The following PHACTR4 variants were observed in gnomAD, a reference collection of about 807,000 sequenced individuals.
The protein encoded by PHACTR4 is phosphatase and actin regulator 4.
In PHACTR4, 51 loss-of-function variants were observed where a neutral mutation model predicts 72.7. That is an observed-to-expected ratio of 0.70 (90% CI 0.56 to 0.89). The LOEUF (loss-of-function observed/expected upper bound fraction) is 0.89, where lower values mean the gene tolerates loss of function less well. Ranked by LOEUF, PHACTR4 falls within the 40% of genes least tolerant of loss-of-function variation. The pLI is 0.00. For missense variants in PHACTR4, 731 were observed against 861.8 expected (o/e 0.85, Z 1.90); for synonymous variants, 255 against 302.5 (o/e 0.84, Z 1.63).
At chr1:28,465,480 G>A (rs976267143) in intron 4 of PHACTR4, among the ~76,000 whole-genome samples, 3 of 152,146 alleles carry the variant, frequency 2.0e-5, no homozygotes, top group Non-Finnish European at 4.4e-5. Flanking sequence ...GCCAGGCGCA[G>A]TGATTCATGC....
rs928455276 is a variant in PHACTR4, at chr1:28,488,453, C to T, written c.1761-717C>T. On this transcript the variant is annotated intron_variant, in intron 9 of 13. Coordinates refer to ENST00000373839, the MANE Select transcript of PHACTR4 (RefSeq NM_001048183.3). ...CGGAGCTTGTAGTGAGCCGAGATTG[C>T]ACCACTGCACTCCAGCCTAGGTGAC... is the stretch of plus-strand genomic sequence containing the variant. 2.6e-5 allele frequency among the ~76,000 whole-genome samples: 4 copies of T among 152,270 alleles called. 1 individual carries two copies. The Middle Eastern group carries it at 0.01, about 388-fold the overall frequency.
At position 28,496,732 on chromosome 1, in the gene PHACTR4, G is replaced by C; in HGVS notation, c.*183G>C. 1.5e-6 allele frequency: 1 copy of C among 680,996 alleles called. No individual in the cohort carries two copies. The highest frequency in any genetic ancestry group is 2.5e-6 in the Non-Finnish European group (1 of 393,820). 42.2% of individuals were successfully genotyped at this position (680,996 alleles called of 1,614,324 possible). ...ACAGAGTCTTATGTGCTGCACCGGG[G>C]GCAAAACAACACTTTGTCAGTGCTT... is the stretch of plus-strand genomic sequence containing the variant. On this transcript the variant is annotated 3_prime_UTR_variant, in exon 14 of 14. Transcript: ENST00000373839.
chr1:28,466,729 C>A lies in PHACTR4; in HGVS notation c.784C>A (p.Pro262Thr). Residue 262 changes from proline (P) to threonine (T), a missense_variant, in exon 6 of 14, where the codon CCC becomes ACC. This residue lies in a region of PHACTR4 where 621 missense variants were observed against 676.6 expected (regional missense o/e 0.92). Coordinates refer to ENST00000373839, the MANE Select transcript of PHACTR4 (RefSeq NM_001048183.3). The stretch of plus-strand genomic sequence containing the variant: ...CCCTGCCAAGCAGCCCCCTATCCCT[C>A]CCCCTAAACCAGCTCACAGAAATAG... ...MVPAKQPPIP[P>T]PKPAHRNSNP... 6.2e-7 allele frequency: 1 copy of A among 1,613,172 alleles called. No homozygotes were observed. Among genetic ancestry groups the A allele is most frequent in the Non-Finnish European group, 8.5e-7 (1 of 1,179,446 alleles).
Position 28,487,717 on chromosome 1 carries a change from G to GTTTTT in PHACTR4, c.1761-1451_1761-1447dup, listed in dbSNP as rs1320016675. Among the ~76,000 whole-genome samples, 265 of 102,416 alleles carry GTTTTT rather than the reference G, an allele frequency of 2.6e-3. 17 individuals are homozygous for GTTTTT. Among genetic ancestry groups the GTTTTT allele is most frequent in the African/African-American group, 0.01 (257 of 24,620 alleles). 67.2% of individuals were successfully genotyped at this position (102,416 alleles called of 152,430 possible). On this transcript the variant is annotated intron_variant, in intron 9 of 13. Coordinates refer to ENST00000373839, the MANE Select transcript of PHACTR4 (RefSeq NM_001048183.3). ...CTGATTTCAAAAATGACAAATTGTA[G>GTTTTT]TTTTTTGTTGTTTTTTTTTTTTTTT...
Position 28,460,221 on chromosome 1 carries a change from G to C in PHACTR4, c.200G>C (p.Arg67Pro), listed in dbSNP as rs747393903. ...KFKETSEVLERKISMRKPREE... is the reference protein window; with the variant it reads ...KFKETSEVLEPKISMRKPREE... ...TCCAATTTAATGTTAGTTTTAGAAC[G>C]GAAAATATCTATGCGAAAGCCAAGA... Residue 67 changes from arginine to proline, a missense_variant, in exon 4 of 14, where the codon CGG becomes CCG. Around this residue, in one of 2 missense-constraint regions of PHACTR4, gnomAD observed 621 missense variants for 676.6 expected, o/e 0.92. Transcript: ENST00000373839. 1 of 1,612,692 alleles carries C rather than the reference G, an allele frequency of 6.2e-7. No individual in the cohort carries two copies. Among genetic ancestry groups the C allele is most frequent in the South Asian group, 1.1e-5 (1 of 90,880 alleles).
chr1:28,483,274 G>C (rs972777471), intron 9 of PHACTR4, among the ~76,000 whole-genome samples: 2 of 152,020 alleles, frequency 1.3e-5, no homozygotes, highest in South Asian at 4.2e-4. Flanking sequence ...ACACGTTTAT[G>C]GTCCCAGCTA....
chr1:28,458,157 T>TGTG (rs1658544286), intron 2 of PHACTR4, among the ~76,000 whole-genome samples: 3 of 135,864 alleles, frequency 2.2e-5, no homozygotes, highest in African/African-American at 8.3e-5. Flanking sequence ...TGTGTGTGTG[T>TGTG]TTGAGACAGG....
chr1:28,487,731 T>TTG (rs1660781855), intron 9 of PHACTR4, among the ~76,000 whole-genome samples: 1 of 126,146 alleles, frequency 7.9e-6, no homozygotes, highest in African/African-American at 3.1e-5. Flanking sequence ...TTTGTTGTTT[T>TTG]TTTTTTTTTT....
intron 4 of PHACTR4, 35 bp downstream of exon 4, chr1:28,460,327 T>A (rs963937589): frequency 2.8e-6 from 4 of 1,437,188 alleles, no homozygotes; most frequent in Admixed American, 1.7e-5. Context: ...TGCCTGTCTC[T>A]GTGCACTTGG....
Position 28,415,218 on chromosome 1 carries a change from G to A in PHACTR4, c.16+7755G>A, listed in dbSNP as rs370542359. 5.4e-5 allele frequency among the ~76,000 whole-genome samples: 8 copies of A among 149,482 alleles called. No homozygotes were observed. The East Asian group carries it at 5.9e-4, about 11-fold the overall frequency. On this transcript the variant is annotated intron_variant, in intron 2 of 13. Transcript: ENST00000373839. ...GGAGGTTGCAGTGAGCCAAGATCAC[G>A]CCACTCCACGCCAGCCTGGGCAACA...
At chr1:28,407,248 CAA>C (rs78873359) in intron 1 of PHACTR4, among the ~76,000 whole-genome samples, 160 bp from the exon 2 acceptor site, 80 of 76,486 alleles carry the variant, frequency 1.0e-3, no homozygotes, top group Middle Eastern at 8.2e-3. Flanking sequence ...GATCCTGTCT[CAA>C]AAAAAAAAAA....
intron 1 of PHACTR4, among the ~76,000 whole-genome samples, chr1:28,406,608 A>G (rs907763904): frequency 6.6e-6 from 1 of 152,142 alleles, no homozygotes; most frequent in African/African-American, 2.4e-5. Flanking sequence ...TCTTACTCCC[A>G]AGTTTCTCCA....
intron 2 of PHACTR4, among the ~76,000 whole-genome samples, chr1:28,441,286 A>C (rs1657010476): frequency 6.6e-6 from 1 of 151,806 alleles, no homozygotes; most frequent in Non-Finnish European, 1.5e-5. Flanking sequence ...CACTGTCGTG[A>C]CCAGGCTGGT....
rs1243686228 is a variant in PHACTR4 at position 28,498,355 on chromosome 1, C to A, written c.*1806C>A. On this transcript the variant is annotated 3_prime_UTR_variant, in exon 14 of 14. Transcript: ENST00000373839. ...TCCTCTTCACTCCAGTGCTGATCCT[C>A]CTGCTCTCTCTGGCAGCTTCCACCT... is the stretch of plus-strand genomic sequence containing the variant. The A allele has an allele frequency of 6.5e-6, 1 of 152,752 alleles. No homozygotes were observed. Among genetic ancestry groups the A allele is most frequent in the Non-Finnish European group, 1.5e-5 (1 of 68,320 alleles). 9.5% of individuals were successfully genotyped at this position (152,752 alleles called of 1,614,324 possible). A position where few individuals can be genotyped will look rare whatever the true frequency, so the allele number is the denominator to read the frequency against.
rs377531587 is a variant in PHACTR4 at position 28,455,192 on chromosome 1, TTC to T, written c.17-3891_17-3890del. ...GCCTCATTTTTCTTTTTCTTTTTCT[TTC>T]TTTCTTTTTTTTTTTTTTTTTTTTG... On this transcript the variant is annotated intron_variant, in intron 2 of 13. Transcript: ENST00000373839. 1.3e-3 allele frequency among the ~76,000 whole-genome samples: 126 copies of T among 100,184 alleles called. 1 individual carries two copies. The highest frequency in any genetic ancestry group is 2.1e-3 in the Admixed American group (23 of 11,144). The allele number at this position is 100,184 out of a possible 152,430, so 65.7% of individuals were successfully genotyped here. A position where few individuals can be genotyped will look rare whatever the true frequency, so the allele number is the denominator to read the frequency against.
At chr1:28,403,029 G>C (rs926535591) in intron 1 of PHACTR4, among the ~76,000 whole-genome samples, 1 of 152,186 alleles carries the variant, frequency 6.6e-6, no homozygotes, top group Non-Finnish European at 1.5e-5. Context: ...CTGTGATTTC[G>C]ATAGCTTAAT....
In PHACTR4 at chr1:28,447,766, G is replaced by A. The variant is rs571466787; in HGVS notation, c.17-11319G>A. Among the ~76,000 whole-genome samples the A allele has an allele frequency of 1.4e-4, 21 of 152,120 alleles. No individual in the cohort carries two copies. The South Asian group carries it at 4.2e-3, about 30-fold the overall frequency. Reference sequence around the variant, plus strand: ...GCAGAAAACTATTTTTCCAGAGGTAGAATCTCAGACATAACTGTACCTGCA... The same window carrying A: ...GCAGAAAACTATTTTTCCAGAGGTAAAATCTCAGACATAACTGTACCTGCA... On this transcript the variant is annotated intron_variant, in intron 2 of 13. Coordinates refer to ENST00000373839, the MANE Select transcript of PHACTR4 (RefSeq NM_001048183.3).
intron 4 of PHACTR4, among the ~76,000 whole-genome samples, chr1:28,461,397 C>T (rs373637549): frequency 8.2e-4 from 125 of 152,056 alleles, no homozygotes; most frequent in African/African-American, 2.6e-3. Context: ...GCTGAGATGG[C>T]GCCACTGCAC....
chr1:28,496,803 C>T lies in PHACTR4; in HGVS notation c.*254C>T. ...GCATGCTTGAGGAGTTTTTCCCTTA[C>T]TGGCCACCAAAGTTCTGAACCACTT... On this transcript the variant is annotated 3_prime_UTR_variant, in exon 14 of 14. Coordinates refer to ENST00000373839, the MANE Select transcript of PHACTR4 (RefSeq NM_001048183.3). The T allele has an allele frequency of 3.6e-6, 2 of 558,212 alleles. No individual in the cohort carries two copies. Among genetic ancestry groups the T allele is most frequent in the South Asian group, 2.1e-5 (1 of 47,582 alleles). The allele number at this position is 558,212 out of a possible 1,614,324, so 34.6% of individuals were successfully genotyped here. A position where few individuals can be genotyped will look rare whatever the true frequency, so the allele number is the denominator to read the frequency against.
Sources: gnomAD v4.1 joint callset for allele counts (sites outside exome capture counted in the v4.1 genomes callset) on GRCh38, gnomAD v4.1.1 for gene constraint, gnomAD v4.1.1 regional missense constraint, MANE v1.5 for transcripts, NCBI Gene and HGNC (gene_info 2026-07-23, HGNC 2026-07-21) for gene names.